The following CPSF1 variants were observed in gnomAD, a reference collection of about 807,000 sequenced individuals.
The protein encoded by CPSF1 is cleavage and polyadenylation specific factor 1.
Under a neutral mutation model 175.8 loss-of-function variants are expected in CPSF1, and 106 were observed. The observed-to-expected ratio is 0.60, with a 90% CI of 0.52 to 0.71. The LOEUF is 0.71. Ranked by LOEUF, CPSF1 falls within the 30% of genes least tolerant of loss-of-function variation. CPSF1 has a pLI of 0.00. For synonymous variants in CPSF1, 1,024 were observed against 858.3 expected (o/e 1.19, Z -3.37); for missense variants, 1,734 against 2,022.9 (o/e 0.86, Z 2.74).
At position 144,401,006 on chromosome 8, in the gene CPSF1, G is replaced by A. The variant is rs2116880463; in HGVS notation, c.457C>T (p.Leu153Phe). 3.1e-6 allele frequency: 5 copies of A among 1,610,632 alleles called. No individual in the cohort carries two copies. In the East Asian group the frequency reaches 1.1e-4, roughly 36 times the overall value. The change falls in exon 6 of 38, where the codon CTT (leucine) becomes TTT (phenylalanine). Residue 153 changes from leucine to phenylalanine, a missense_variant. By Grantham distance (22) the Leu-to-Phe change is conservative (BLOSUM62 0). This residue lies in a region of CPSF1 where 122 missense variants were observed against 177.2 expected (regional missense o/e 0.69). Coordinates refer to ENST00000616140, the MANE Select transcript of CPSF1 (RefSeq NM_013291.3). ...ACCACCAGCCGCGTGCCGTAGACAAGCATGGCTGCACAGCGCCCGTCGGGG... is the reference window on the plus strand; with the variant it reads ...ACCACCAGCCGCGTGCCGTAGACAAACATGGCTGCACAGCGCCCGTCGGGG... ...VDPDGRCAAMLVYGTRLVVLP... is the reference protein window; with the variant it reads ...VDPDGRCAAMFVYGTRLVVLP...
In CPSF1 at chr8:144,399,074, A is replaced by AC. The variant is rs2116858004; in HGVS notation, c.1468-37dup. 144 of 1,088,062 alleles carry AC rather than the reference A, an allele frequency of 1.3e-4. No homozygotes were observed. In the East Asian group the frequency reaches 1.9e-3, roughly 15 times the overall value. 67.4% of individuals were successfully genotyped at this position (1,088,062 alleles called of 1,614,324 possible). ...CTCGGGGGTGAGGACTATGCCCCCC[A>AC]CCCCCCCTCACACTCCAGCCCCTGC... is the stretch of plus-strand genomic sequence containing the variant. On this transcript the variant is annotated intron_variant, in intron 15 of 37. Transcript: ENST00000616140. This position sits in a 1 kb window ranked among gnomAD's most constrained non-coding sequence, Gnocchi z 6.4.
intron 7 of CPSF1, 56 bp from the exon 8 acceptor site, chr8:144,400,549 C>T: frequency 6.2e-7 from 1 of 1,608,802 alleles, no homozygotes; most frequent in Non-Finnish European, 8.5e-7. Context: ...GACCCAGGCC[C>T]AGCTCCTCCC....
intron 19 of CPSF1, 25 bp from the exon 20 acceptor site, chr8:144,398,157 G>A (rs782496898): frequency 8.0e-7 from 1 of 1,254,278 alleles, no homozygotes; most frequent in Non-Finnish European, 1.0e-6. Context: ...CAGTCAGCAT[G>A]CGCCTCCCCA....
chr8:144,407,318 C>A (rs2116908099), intron 2 of CPSF1, among the ~76,000 whole-genome samples: 4 of 151,510 alleles, frequency 2.6e-5, no homozygotes, highest in African/African-American at 9.7e-5. Flanking sequence ...TGGGCTTGAG[C>A]GATCCTCCCA....
In CPSF1 at chr8:144,393,810, G is replaced by A. The variant is rs1820512342; in HGVS notation, c.4016-14C>T. On this transcript the variant is annotated splice_polypyrimidine_tract_variant and intron_variant, in intron 35 of 37. Transcript: ENST00000616140. ...CGTCCAGGGTGGCTGGCAGGGGTAG[G>A]GTGAGGGTTTTGGTGTGAGCCAGGC... The A allele has an allele frequency of 1.2e-6, 2 of 1,600,734 alleles. No homozygotes were observed. Among genetic ancestry groups the A allele is most frequent in the Non-Finnish European group, 1.7e-6 (2 of 1,178,588 alleles).
intron 2 of CPSF1, among the ~76,000 whole-genome samples, chr8:144,402,477 G>T (rs1257541955): frequency 6.6e-6 from 1 of 152,020 alleles, no homozygotes; most frequent in Non-Finnish European, 1.5e-5. Flanking sequence ...GCTAATTTTT[G>T]TATTTTTAGT....
chr8:144,393,966 A>C lies in CPSF1; in HGVS notation c.3932T>G (p.Phe1311Cys), dbSNP rs1554862482. 6.2e-7 allele frequency: 1 copy of C among 1,613,530 alleles called. No homozygotes were observed. The highest frequency in any genetic ancestry group is 1.1e-5 in the South Asian group (1 of 91,076). The change falls in exon 35 of 38, where the codon TTC becomes TGC. Residue 1311 changes from phenylalanine (F) to cysteine (C), a missense_variant. Phe to Cys is a radical substitution (Grantham distance 205). This residue lies in a region of CPSF1 where 323 missense variants were observed against 338.5 expected (regional missense o/e 0.95). Coordinates refer to ENST00000616140, the MANE Select transcript of CPSF1 (RefSeq NM_013291.3). The stretch of plus-strand genomic sequence containing the variant: ...GGCCCCCCGGCACGGGGTCCTCCAG[A>C]ACGTGTTCACGTGGGCACCCACGTG... ...DFHVGAHVNT[F>C]WRTPCRGATE...
At position 144,393,773 on chromosome 8, in the gene CPSF1, G is replaced by T; in HGVS notation, c.4039C>A (p.Leu1347Met). 6.3e-7 allele frequency: 1 copy of T among 1,595,744 alleles called. No individual in the cohort carries two copies. Among genetic ancestry groups the T allele is most frequent in the Non-Finnish European group, 8.5e-7 (1 of 1,176,986 alleles). The change falls in exon 36 of 38, where the codon CTG (leucine) becomes ATG (methionine). Residue 1347 changes from leucine to methionine, a missense_variant. This residue lies in a region of CPSF1 where 323 missense variants were observed against 338.5 expected (regional missense o/e 0.95). Transcript: ENST00000616140. The stretch of plus-strand genomic sequence containing the variant: ...GTCTTCTCCTGCATGGGCAGCAGCA[G>T]CCCGATGCCGCCGTCCAGGGTGGCT... ...WFATLDGGIGLLLPMQEKTYR... is the reference protein window; with the variant it reads ...WFATLDGGIGMLLPMQEKTYR...
At chr8:144,393,393 G>A (rs782450599) in intron 37 of CPSF1, 28 bp from the exon 38 acceptor site, 2 of 887,398 alleles carry the variant, frequency 2.3e-6, no homozygotes, top group Admixed American at 4.5e-5. Flanking sequence ...GTGGGTGGGT[G>A]GGTGGGTGGG....
chr8:144,397,586 G>GGCC lies in CPSF1; in HGVS notation c.2283_2285dup (p.Ala762dup), dbSNP rs1409104178. The stretch of plus-strand genomic sequence containing the variant: ...CAGCAGGGGGCTGGCTGCTTCTTCG[G>GGCC]GCCTCCTCCTTGCTGGGGCTGAAGA... On this transcript the variant is annotated inframe_insertion, in exon 22 of 38. Coordinates refer to ENST00000616140, the MANE Select transcript of CPSF1 (RefSeq NM_013291.3). 3.2e-6 allele frequency: 5 copies of GGCC among 1,540,320 alleles called. No homozygotes were observed. In the Admixed American group the frequency reaches 9.5e-5, roughly 29 times the overall value.
rs782241277 is a variant in CPSF1, at chr8:144,397,732, C to T, written c.2210+11G>A. 4 of 1,589,804 alleles carry T rather than the reference C, an allele frequency of 2.5e-6. No homozygotes were observed. The highest frequency in any genetic ancestry group is 3.4e-6 in the Non-Finnish European group (4 of 1,162,668). ...CCCAAGCCCCTACCTGCGCCCCCAGCCCCCACGCACCTAGTCTCTGAGCCC... is the reference window on the plus strand; with the variant it reads ...CCCAAGCCCCTACCTGCGCCCCCAGTCCCCACGCACCTAGTCTCTGAGCCC... On this transcript the variant is annotated intron_variant, in intron 21 of 37. Coordinates refer to ENST00000616140, the MANE Select transcript of CPSF1 (RefSeq NM_013291.3).
chr8:144,400,024 G>C lies in CPSF1; in HGVS notation c.999C>G (p.Asp333Glu). The C allele has an allele frequency of 6.2e-7, 1 of 1,612,188 alleles. No individual in the cohort carries two copies. Among genetic ancestry groups the C allele is most frequent in the Non-Finnish European group, 8.5e-7 (1 of 1,179,884 alleles). Residue 333 changes from aspartate to glutamate, a missense_variant, in exon 10 of 38, where the codon GAC becomes GAG. By Grantham distance (45) the Asp-to-Glu change is conservative (BLOSUM62 2). Transcript: ENST00000616140. ...DCAQATFISY[D>E]KMVISLKGGE... ...CGCCCTTGAGGGAGATGACCATCTTGTCGTAGGAGATGAAGGTGGCCTGGG... is the reference window on the plus strand; with the variant it reads ...CGCCCTTGAGGGAGATGACCATCTTCTCGTAGGAGATGAAGGTGGCCTGGG...
At position 144,394,043 on chromosome 8, in the gene CPSF1, AC is replaced by A; in HGVS notation, c.3860-6del. 1.2e-6 allele frequency: 2 copies of A among 1,610,820 alleles called. No homozygotes were observed. Among genetic ancestry groups the A allele is most frequent in the Non-Finnish European group, 1.7e-6 (2 of 1,178,088 alleles). ...TGCCCCCGAAACTCTCCTTGGCTAG[AC>A]CAGAAAGGCCTAGGGGTCACTGCTA... On this transcript the variant is annotated splice_polypyrimidine_tract_variant and splice_region_variant and intron_variant, in intron 34 of 37. Transcript: ENST00000616140.
Position 144,399,177 on chromosome 8 carries a change from C to T in CPSF1, c.1418G>A (p.Gly473Glu), listed in dbSNP as rs1820998440. ...GCCCACGGCGGCATTGGCACAGGGTCCAATGTTCAGGATGCTGTCACACAC... is the reference window on the plus strand; with the variant it reads ...GCCCACGGCGGCATTGGCACAGGGTTCAATGTTCAGGATGCTGTCACACAC... The part of the protein sequence containing the change: ...FEVCDSILNI[G>E]PCANAAVGEP... Residue 473 changes from glycine to glutamate, a missense_variant, in exon 15 of 38, where the codon GGA (glycine) becomes GAA (glutamate). By Grantham distance (98) the Gly-to-Glu change is moderately conservative. This residue lies in a region of CPSF1 where 280 missense variants were observed against 349.2 expected (regional missense o/e 0.80). Coordinates refer to ENST00000616140, the MANE Select transcript of CPSF1 (RefSeq NM_013291.3). This position sits in a 1 kb window ranked among gnomAD's most constrained non-coding sequence, Gnocchi z 6.4. 6.2e-7 allele frequency: 1 copy of T among 1,606,534 alleles called. No individual in the cohort carries two copies. The highest frequency in any genetic ancestry group is 8.5e-7 in the Non-Finnish European group (1 of 1,177,274).
At position 144,399,354 on chromosome 8, in the gene CPSF1, C is replaced by T. The variant is rs151272774; in HGVS notation, c.1314G>A (p.Pro438=). ...CTTCAATCTCGTCCACCTCATCCTG[C>T]GGCACCGACTTACCCGCAGCTGCAC... ...AGWSAAGKSV[P]QDEVDEIEVY... is the part of the protein sequence containing the mutation. Residue 438 remains proline, a synonymous_variant, in exon 14 of 38, where the codon CCG becomes CCA. Coordinates refer to ENST00000616140, the MANE Select transcript of CPSF1 (RefSeq NM_013291.3). This position sits in a 1 kb window ranked among gnomAD's most constrained non-coding sequence, Gnocchi z 6.4. 1,295 of 1,612,636 alleles carry T rather than the reference C, an allele frequency of 8.0e-4. No individual in the cohort carries two copies. The highest frequency in any genetic ancestry group is 9.7e-4 in the Non-Finnish European group (1,143 of 1,179,994).
rs2280837 is a variant in CPSF1 at position 144,395,081 on chromosome 8, C to G, written c.3272+17G>C. ...GGAGGCCTTGGGCAGACCCCACCCC[C>G]GCCGGCCCAGCCTCACCTGGCATTG... On this transcript the variant is annotated intron_variant, in intron 29 of 37. Transcript: ENST00000616140. 727,840 of 1,603,156 alleles carry G rather than the reference C, an allele frequency of 0.45. 168,782 individuals are homozygous for G. The highest frequency in any genetic ancestry group is 0.67 in the East Asian group (29,951 of 44,676).
At chr8:144,406,520 G>A (rs2116905494) in intron 2 of CPSF1, among the ~76,000 whole-genome samples, 2 of 152,216 alleles carry the variant, frequency 1.3e-5, no homozygotes, top group Admixed American at 6.5e-5. Context: ...ATGTTGGGGT[G>A]CCCCAAGACC....
At chr8:144,395,995 G>A (rs1246577471) in intron 26 of CPSF1, 2 of 403,420 alleles carry the variant, frequency 5.0e-6, no homozygotes, top group Non-Finnish European at 9.1e-6. Flanking sequence ...ACCAGGATGA[G>A]AAAGCCTGTG....
chr8:144,401,194 C>CG lies in CPSF1; in HGVS notation c.387+16dup. On this transcript the variant is annotated intron_variant, in intron 5 of 37. Transcript: ENST00000616140. ...TGGCTGGGCGGGGCCTGGGCGGGGG[C>CG]GGGAGCGCGGCCCTACCCGAAGCTC... 2 of 1,199,158 alleles carry CG rather than the reference C, an allele frequency of 1.7e-6. No homozygotes were observed. The highest frequency in any genetic ancestry group is 2.3e-6 in the Non-Finnish European group (2 of 880,392). The allele number at this position is 1,199,158 out of a possible 1,614,324, so 74.3% of individuals were successfully genotyped here. A position where few individuals can be genotyped will look rare whatever the true frequency, so the allele number is the denominator to read the frequency against.
Sources: gnomAD v4.1 joint callset for allele counts (sites outside exome capture counted in the v4.1 genomes callset) on GRCh38, gnomAD v4.1.1 for gene constraint, gnomAD v4.1.1 regional missense constraint, Gnocchi (gnomAD v3.1) non-coding constraint, MANE v1.5 for transcripts, NCBI Gene and HGNC (gene_info 2026-07-23, HGNC 2026-07-21) for gene names.